Variants in LIX1 observed in about 807,000 individuals in gnomAD.
LIX1 encodes the protein protein limb expression 1 homolog.
A neutral mutation model predicts 33.4 loss-of-function variants in LIX1; 24 were observed. That is an observed-to-expected ratio of 0.72 (90% CI 0.52 to 1.01). The LOEUF is 1.01. Ranked by LOEUF, LIX1 falls within the 50% of genes least tolerant of loss-of-function variation. The probability of loss-of-function intolerance (pLI) is 0.00; values close to 1 mark genes in which losing one functional copy is unlikely to be tolerated. For missense variants in LIX1, 311 were observed against 339.2 expected, an observed-to-expected ratio of 0.92 and a Z score of 0.65; for synonymous variants, 124 against 124.0, an observed-to-expected ratio of 1.00 and a Z score of 0.00.
intron 2 of LIX1, among the ~76,000 whole-genome samples, chr5:97,109,959 C>A (rs1747288160): frequency 6.6e-6 from 1 of 152,128 alleles, no homozygotes; most frequent in African/African-American, 2.4e-5. Flanking sequence ...CATGGTGTAC[C>A]CCATCTTCCT....
At chr5:97,095,102 C>A (rs904136036) in intron 5 of LIX1, 67 bp from the exon 6 acceptor site, 4 of 1,400,924 alleles carry the variant, frequency 2.9e-6, no homozygotes, top group Middle Eastern at 2.4e-4. Flanking sequence ...CCACATGCCT[C>A]CCCCTGCTTC....
chr5:97,113,634 T>C (rs1747528893), intron 2 of LIX1, among the ~76,000 whole-genome samples: 1 of 152,154 alleles, frequency 6.6e-6, no homozygotes, highest in African/African-American at 2.4e-5. Flanking sequence ...AAAACAAGAT[T>C]TGTTTTGTTC....
At chr5:97,125,948 A>C (rs898244500) in intron 1 of LIX1, among the ~76,000 whole-genome samples, 2 of 152,212 alleles carry the variant, frequency 1.3e-5, no homozygotes, top group African/African-American at 4.8e-5. Flanking sequence ...AGCCCAGAGA[A>C]CGGTTCAGTA....
intron 4 of LIX1, among the ~76,000 whole-genome samples, chr5:97,098,035 C>T (rs1297629746): frequency 1.3e-5 from 2 of 152,206 alleles, no homozygotes; most frequent in African/African-American, 4.8e-5. Flanking sequence ...CTCATCGGAA[C>T]GCTCATTCTG....
intron 1 of LIX1, among the ~76,000 whole-genome samples, chr5:97,134,339 T>G (rs1356811453): frequency 6.6e-6 from 1 of 152,152 alleles, no homozygotes; most frequent in African/African-American, 2.4e-5. Context: ...AGGCTGGTCT[T>G]GAACTCCTGA....
chr5:97,127,423 C>T (rs532768798), intron 1 of LIX1, among the ~76,000 whole-genome samples: 5 of 152,150 alleles, frequency 3.3e-5, no homozygotes, highest in Non-Finnish European at 7.3e-5. Context: ...AAAGATTTCT[C>T]TGATGATCCC....
At chr5:97,107,272 G>A in intron 3 of LIX1, 88 bp downstream of exon 3, 1 of 1,300,470 alleles carries the variant, frequency 7.7e-7, no homozygotes, top group Non-Finnish European at 1.0e-6. Context: ...CTTAAAATAA[G>A]AATTTGCTCA....
At position 97,094,975 on chromosome 5, in the gene LIX1, G is replaced by C; in HGVS notation, c.622C>G (p.Leu208Val). 1 of 1,614,128 alleles carries C rather than the reference G, an allele frequency of 6.2e-7. No homozygotes were observed. The highest frequency in any genetic ancestry group is 8.5e-7 in the Non-Finnish European group (1 of 1,180,032). Reference protein sequence around the residue: ...LDEKMRSHMALDWIMKERDSP... With the variant: ...LDEKMRSHMAVDWIMKERDSP... ...TCCCGCTCCTTCATGATCCAGTCCA[G>C]GGCCATGTGGCTGCGCATCTTTTCA... The change falls in exon 6 of 6, where the codon CTG (leucine) becomes GTG (valine). Residue 208 changes from leucine to valine, a missense_variant. Leu to Val is a conservative substitution (Grantham distance 32). Transcript: ENST00000274382.
intron 2 of LIX1, among the ~76,000 whole-genome samples, 178 bp from the exon 3 acceptor site, chr5:97,107,678 C>T (rs934698938): frequency 6.6e-6 from 1 of 152,122 alleles, no homozygotes; most frequent in African/African-American, 2.4e-5. Flanking sequence ...CTCTAGAGTT[C>T]GTGCAAATGT....
chr5:97,138,203 G>T (rs1324793805), intron 1 of LIX1, among the ~76,000 whole-genome samples: 5 of 152,282 alleles, frequency 3.3e-5, no homozygotes, highest in African/African-American at 1.2e-4. Flanking sequence ...AAAAATCTCA[G>T]TGAAATCTTA....
rs1202527792 is a variant in LIX1, at chr5:97,094,824, T to C, written c.773A>G (p.Gln258Arg). 1.9e-6 allele frequency: 3 copies of C among 1,614,226 alleles called. No individual in the cohort carries two copies. Among genetic ancestry groups the C allele is most frequent in the Non-Finnish European group, 2.5e-6 (3 of 1,180,036 alleles). The change falls in exon 6 of 6, where the codon CAG (glutamine) becomes CGG (arginine). Residue 258 changes from glutamine (Q) to arginine (R), a missense_variant. Coordinates refer to ENST00000274382, the MANE Select transcript of LIX1 (RefSeq NM_153234.5). ...KKEILSLALT[Q>R]ICSDPDTSSP... ...GGAAGTGTCAGGGTCACTGCAGATCTGAGTCAGGGCTAAGCTCAATATTTC... is the reference window on the plus strand; with the variant it reads ...GGAAGTGTCAGGGTCACTGCAGATCCGAGTCAGGGCTAAGCTCAATATTTC...
intron 1 of LIX1, among the ~76,000 whole-genome samples, chr5:97,125,388 T>C (rs1462211100): frequency 1.3e-5 from 2 of 152,242 alleles, no homozygotes; most frequent in African/African-American, 4.8e-5. Flanking sequence ...AATAGAATTG[T>C]AGAGTCAAAA....
chr5:97,141,183 A>T (rs904887263), intron 1 of LIX1, among the ~76,000 whole-genome samples: 1 of 152,060 alleles, frequency 6.6e-6, no homozygotes, highest in South Asian at 2.1e-4. Flanking sequence ...CCCTGGTCCT[A>T]TACAATTTAT....
intron 2 of LIX1, among the ~76,000 whole-genome samples, chr5:97,113,927 A>T (rs1032470500): frequency 6.6e-6 from 1 of 152,210 alleles, no homozygotes; most frequent in Admixed American, 6.5e-5. Context: ...AATGGTACTC[A>T]CTGAGGACAG....
intron 2 of LIX1, among the ~76,000 whole-genome samples, chr5:97,122,065 G>C (rs1011050534): frequency 6.6e-6 from 1 of 152,128 alleles, no homozygotes; most frequent in African/African-American, 2.4e-5. Context: ...GTTACATCAA[G>C]CTCTGTTCTG....
chr5:97,112,890 C>T (rs1747480615), intron 2 of LIX1, among the ~76,000 whole-genome samples: 1 of 152,052 alleles, frequency 6.6e-6, no homozygotes, highest in South Asian at 2.1e-4. Flanking sequence ...TCCCCAGTGA[C>T]CCCTGCCCCG....
chr5:97,094,900 C>G lies in LIX1; in HGVS notation c.697G>C (p.Glu233Gln), dbSNP rs141456649. 1 of 1,614,196 alleles carries G rather than the reference C, an allele frequency of 6.2e-7. No homozygotes were observed. Among genetic ancestry groups the G allele is most frequent in the Admixed American group, 1.7e-5 (1 of 60,024 alleles). Residue 233 changes from glutamate (E) to glutamine (Q), a missense_variant, in exon 6 of 6, where the codon GAG becomes CAG. Transcript: ENST00000274382. The stretch of plus-strand genomic sequence containing the variant: ...TCTTGTCCTGCTTTCCTGGCTTCCT[C>G]CAACTGCCTCAGGGCCATTCGTAGC... ...QELRMALRQL[E>Q]EARKAGQELR... is the part of the protein sequence containing the mutation.
At chr5:97,120,521 G>T (rs773271880) in intron 2 of LIX1, among the ~76,000 whole-genome samples, 2 of 152,184 alleles carry the variant, frequency 1.3e-5, no homozygotes, top group African/African-American at 4.8e-5. Context: ...GAGGTAGGGA[G>T]TTCCATCAGG....
At chr5:97,130,785 G>A (rs962360785) in intron 1 of LIX1, among the ~76,000 whole-genome samples, 2 of 152,204 alleles carry the variant, frequency 1.3e-5, no homozygotes, top group Non-Finnish European at 2.9e-5. Context: ...TAGAACTGCT[G>A]ACAGTAAAGA....
Sources: gnomAD v4.1 joint callset for allele counts (sites outside exome capture counted in the v4.1 genomes callset) on GRCh38, gnomAD v4.1.1 for gene constraint, MANE v1.5 for transcripts, NCBI Gene and HGNC (gene_info 2026-07-23, HGNC 2026-07-21) for gene names.